Variants in GREB1L observed in about 807,000 individuals in gnomAD.
GREB1L encodes GREB1 like retinoic acid receptor coactivator.
GREB1L carries 17 observed loss-of-function variants against 200.8 expected under a neutral mutation model. The observed-to-expected ratio is 0.08, with a 90% CI of 0.06 to 0.13. GREB1L has a LOEUF of 0.13. Among genes scored for constraint, GREB1L ranks in the 10% least tolerant of loss-of-function variants. The pLI is 1.00. For missense variants in GREB1L, 1,657 were observed against 2,367.7 expected (o/e 0.70, Z 6.23); for synonymous variants, 789 against 893.0 (o/e 0.88, Z 2.08).
rs370167466 is a variant in GREB1L, at chr18:21,513,789, G to A, written c.4736-32G>A. ...AGCCAAGCCTGAGTGAAGGATGTGTGGATATGCAGATGTGGTTATGTTGCC... is the reference window on the plus strand; with the variant it reads ...AGCCAAGCCTGAGTGAAGGATGTGTAGATATGCAGATGTGGTTATGTTGCC... On this transcript the variant is annotated intron_variant, in intron 27 of 32. Transcript: ENST00000424526. 6.7e-5 allele frequency: 103 copies of A among 1,542,978 alleles called. No individual in the cohort carries two copies. In the Middle Eastern group the frequency reaches 8.4e-4, roughly 13 times the overall value.
intron 7 of GREB1L, among the ~76,000 whole-genome samples, chr18:21,405,986 G>A (rs1473611459): frequency 2.0e-5 from 3 of 149,878 alleles, no homozygotes; most frequent in Non-Finnish European, 4.4e-5. Flanking sequence ...ACAAAAATTA[G>A]CTGGGTGCTG....
intron 2 of GREB1L, among the ~76,000 whole-genome samples, chr18:21,370,212 G>A (rs971530636): frequency 2.0e-5 from 3 of 151,964 alleles, no homozygotes; most frequent in African/African-American, 7.3e-5. Flanking sequence ...AGACACAAAA[G>A]CTCAATTTAT....
At chr18:21,294,384 G>C (rs754876792) in intron 1 of GREB1L, among the ~76,000 whole-genome samples, 13 of 151,896 alleles carry the variant, frequency 8.6e-5, no homozygotes, top group Admixed American at 5.9e-4. Context: ...AGATGCTTCT[G>C]GTGGTGGAAG....
At chr18:21,283,154 C>T (rs2038299223) in intron 1 of GREB1L, among the ~76,000 whole-genome samples, 1 of 152,164 alleles carries the variant, frequency 6.6e-6, no homozygotes, top group East Asian at 1.9e-4. Context: ...CTGGCTTTTA[C>T]ATAATTCCAT....
At chr18:21,274,302 A>G (rs2144326473) in intron 1 of GREB1L, among the ~76,000 whole-genome samples, 1 of 152,284 alleles carries the variant, frequency 6.6e-6, no homozygotes, top group East Asian at 1.9e-4. Context: ...TCCTAAAACC[A>G]TCACCTTGGG....
At chr18:21,459,947 C>T (rs1371835840) in intron 15 of GREB1L, among the ~76,000 whole-genome samples, 3 of 152,124 alleles carry the variant, frequency 2.0e-5, no homozygotes, top group African/African-American at 7.2e-5. Context: ...CACCCTCAGG[C>T]ACATTTACCC....
intron 5 of GREB1L, 128 bp from the exon 6 acceptor site, chr18:21,401,022 C>T: frequency 4.2e-6 from 3 of 719,842 alleles, no homozygotes; most frequent in South Asian, 2.0e-5. Flanking sequence ...TTTTTTCCCT[C>T]TGAATTATTT....
chr18:21,314,496 G>A (rs1239694861), intron 1 of GREB1L, among the ~76,000 whole-genome samples: 1 of 152,160 alleles, frequency 6.6e-6, no homozygotes, highest in African/African-American at 2.4e-5. Context: ...AATGATGGTA[G>A]CTTGATTAAG....
At chr18:21,327,728 G>A (rs1336953194) in intron 1 of GREB1L, among the ~76,000 whole-genome samples, 3 of 150,904 alleles carry the variant, frequency 2.0e-5, no homozygotes, top group Non-Finnish European at 4.4e-5. Context: ...GGGGAGGTGG[G>A]GGGCACGGAG....
intron 7 of GREB1L, among the ~76,000 whole-genome samples, chr18:21,423,120 G>A (rs1481287502): frequency 6.6e-6 from 1 of 151,974 alleles, no homozygotes; most frequent in Non-Finnish European, 1.5e-5. Flanking sequence ...TAGTAGAGAC[G>A]GGGTTTCACC....
Position 21,441,019 on chromosome 18 carries a change from T to C in GREB1L, c.1070-381T>C, listed in dbSNP as rs538589621. Among the ~76,000 whole-genome samples the C allele has an allele frequency of 3.9e-5, 6 of 152,338 alleles. No individual in the cohort carries two copies. In the South Asian group the frequency reaches 1.2e-3, roughly 32 times the overall value. On this transcript the variant is annotated intron_variant, in intron 9 of 32. Coordinates refer to ENST00000424526, the MANE Select transcript of GREB1L (RefSeq NM_001142966.3). ...TATGGTTGCTTGTAGGTAGTACTGG[T>C]TAATGATGAGTTCATCCTTCTTCAC...
intron 1 of GREB1L, among the ~76,000 whole-genome samples, chr18:21,249,774 C>A (rs1476685076): frequency 6.6e-6 from 1 of 151,530 alleles, no homozygotes; most frequent in Non-Finnish European, 1.5e-5. Flanking sequence ...GCAGGAGAAT[C>A]ATTTGAACTC....
chr18:21,429,478 A>G (rs2032974627), intron 7 of GREB1L, among the ~76,000 whole-genome samples: 1 of 151,406 alleles, frequency 6.6e-6, no homozygotes, highest in Non-Finnish European at 1.5e-5. Flanking sequence ...GAGTAGCTGG[A>G]ATTATAGGTG....
chr18:21,409,604 G>C (rs1203083471), intron 7 of GREB1L, among the ~76,000 whole-genome samples: 1 of 152,170 alleles, frequency 6.6e-6, no homozygotes, highest in East Asian at 1.9e-4. Flanking sequence ...GGGTGGCACT[G>C]TTTCTCTTTC....
intron 15 of GREB1L, among the ~76,000 whole-genome samples, chr18:21,458,798 G>A (rs922404219): frequency 1.8e-4 from 28 of 152,184 alleles, no homozygotes; most frequent in Non-Finnish European, 4.4e-5. Flanking sequence ...TCGTGGGGAA[G>A]GAGCATTTTT....
chr18:21,441,610 T>C (rs1598845513), intron 10 of GREB1L, 73 bp downstream of exon 10: 1 of 1,313,590 alleles, frequency 7.6e-7, no homozygotes, highest in Non-Finnish European at 1.0e-6. Context: ...ATTGTGTTTT[T>C]TCATGTATTC....
At chr18:21,489,526 A>G (rs1163222326) in intron 18 of GREB1L, among the ~76,000 whole-genome samples, 7 of 152,222 alleles carry the variant, frequency 4.6e-5, no homozygotes, top group Admixed American at 4.6e-4. Context: ...CAGTGCTGCC[A>G]TTCTAACCCA....
chr18:21,506,011 G>A (rs1483704141), intron 25 of GREB1L, 62 bp downstream of exon 25: 7 of 1,461,220 alleles, frequency 4.8e-6, no homozygotes, highest in Non-Finnish European at 4.6e-6. Flanking sequence ...TGTAAGGGTG[G>A]GGGGTGGAGG....
At chr18:21,437,834 A>T (rs1459682170) in intron 7 of GREB1L, among the ~76,000 whole-genome samples, 4 of 152,214 alleles carry the variant, frequency 2.6e-5, no homozygotes, top group Admixed American at 6.5e-5. Flanking sequence ...CAACTGTTTT[A>T]AAAAAATATT....
Sources: gnomAD v4.1 joint callset for allele counts (sites outside exome capture counted in the v4.1 genomes callset) on GRCh38, gnomAD v4.1.1 for gene constraint, MANE v1.5 for transcripts, NCBI Gene and HGNC (gene_info 2026-07-23, HGNC 2026-07-21) for gene names.